PACRGL: variants seen among roughly 807,000 people sequenced by gnomAD.
The protein encoded by PACRGL is parkin coregulated like, also known as PACRG-like protein.
In PACRGL, 38 loss-of-function variants were observed where a neutral mutation model predicts 34.5. The ratio of observed to expected loss-of-function variants is 1.10; its 90% CI spans 0.85 to 1.44. PACRGL has a LOEUF of 1.44. Ranked by LOEUF, PACRGL falls within the 40% of genes most tolerant of loss-of-function variation. The pLI is 0.00. For synonymous variants in PACRGL, 128 were observed against 100.1 expected (o/e 1.28, Z -1.66); for missense variants, 305 against 281.4 (o/e 1.08, Z -0.60).
At chr4:20,736,677 T>C (rs1026177524), downstream of PACRGL, among the ~76,000 whole-genome samples, 3 of 152,232 alleles carry the variant, frequency 2.0e-5, no homozygotes, top group African/African-American at 7.2e-5. Flanking sequence ...TGAGAATATT[T>C]CAATTCGCTT....
the PACRGL span, among the ~76,000 whole-genome samples, chr4:20,759,162 A>G: frequency 5.9e-5 from 9 of 152,272 alleles, no homozygotes; most frequent in African/African-American, 2.2e-4. Context: ...TTAAGAACAC[A>G]TATGTTTATT....
At chr4:20,739,454 G>A (rs1185509377) in intron 8 of PACRGL, among the ~76,000 whole-genome samples, 1 of 152,194 alleles carries the variant, frequency 6.6e-6, no homozygotes, top group Non-Finnish European at 1.5e-5. Flanking sequence ...GGCAAACAGG[G>A]TCTGGAGTGG....
At chr4:20,761,254 A>G in the PACRGL span, among the ~76,000 whole-genome samples, 2 of 152,178 alleles carry the variant, frequency 1.3e-5, no homozygotes, top group Non-Finnish European at 1.5e-5. Context: ...CAAGCTGGCC[A>G]AGGCTCCACA....
Position 20,730,030 on chromosome 4 carries a change from G to C in PACRGL, c.*2689G>C, listed in dbSNP as rs905611878. The C allele has an allele frequency of 3.8e-6, 6 of 1,559,452 alleles. No homozygotes were observed. The Admixed American group carries it at 9.9e-5, about 26-fold the overall frequency. On this transcript the variant is annotated 3_prime_UTR_variant, in exon 9 of 9. Transcript: ENST00000503585. ...TAAAAGTGGTAGCTCCAACTTTAAG[G>C]GTGGTAGAATAGTTCACATTTGTCT...
At chr4:20,721,882 G>T (rs1166826088) in intron 7 of PACRGL, among the ~76,000 whole-genome samples, 2 of 152,216 alleles carry the variant, frequency 1.3e-5, no homozygotes, top group African/African-American at 2.4e-5. Context: ...GTCTGCAGAG[G>T]TTTCTGCTGC....
the PACRGL span, among the ~76,000 whole-genome samples, chr4:20,765,004 T>G: frequency 3.9e-5 from 6 of 152,176 alleles, no homozygotes; most frequent in African/African-American, 1.4e-4. Context: ...GACAATGAGC[T>G]TGGAGAGATG....
At chr4:20,717,765 T>C (rs187689200) in intron 7 of PACRGL, among the ~76,000 whole-genome samples, 3,370 of 152,234 alleles carry the variant, frequency 0.022, 59 homozygotes, top group Middle Eastern at 0.058. Flanking sequence ...AGTCAGGTAG[T>C]GTGATGCCTC....
chr4:20,756,171 G>GGA (rs1754412462), downstream of PACRGL, among the ~76,000 whole-genome samples: 1 of 135,632 alleles, frequency 7.4e-6, no homozygotes, highest in African/African-American at 2.9e-5. Flanking sequence ...GTGGAAAGTA[G>GGA]TAAAAAAAAA....
chr4:20,760,631 T>A, the PACRGL span, among the ~76,000 whole-genome samples: 1 of 152,124 alleles, frequency 6.6e-6, no homozygotes, highest in Non-Finnish European at 1.5e-5. Context: ...TGAGCTTAGG[T>A]AGGCAAAATA....
At chr4:20,722,319 T>C (rs901070551) in intron 7 of PACRGL, among the ~76,000 whole-genome samples, 1 of 152,218 alleles carries the variant, frequency 6.6e-6, no homozygotes, top group African/African-American at 2.4e-5. Flanking sequence ...CTTGGTGCGC[T>C]ATACCCGCTG....
At chr4:20,716,071 T>C (rs770443383) in intron 7 of PACRGL, 23 of 1,501,988 alleles carry the variant, frequency 1.5e-5, no homozygotes, top group African/African-American at 4.2e-5. Context: ...TTTCCTGATA[T>C]GTATAACTTT....
chr4:20,751,534 G>C (rs1420176029), intron 8 of PACRGL, among the ~76,000 whole-genome samples: 1 of 147,546 alleles, frequency 6.8e-6, no homozygotes, highest in South Asian at 2.3e-4. Flanking sequence ...GATTTTCAGA[G>C]GAGGAAAAAA....
downstream of PACRGL, among the ~76,000 whole-genome samples, chr4:20,757,598 C>A (rs539138099): frequency 1.8e-4 from 28 of 152,256 alleles, no homozygotes; most frequent in African/African-American, 6.5e-4. Context: ...ATGCTCTGAC[C>A]CTTTGTTTAC....
downstream of PACRGL, chr4:20,732,826 A>T (rs371853628): frequency 1.8e-5 from 21 of 1,197,368 alleles, no homozygotes; most frequent in Non-Finnish European, 2.5e-5. Context: ...GCACACATGT[A>T]TGAAGAAACC....
chr4:20,740,007 A>C (rs1391582712), intron 8 of PACRGL, among the ~76,000 whole-genome samples: 1 of 152,216 alleles, frequency 6.6e-6, no homozygotes, highest in Non-Finnish European at 1.5e-5. Context: ...ATTGAAGATC[A>C]AGTGAATGAA....
the PACRGL span, among the ~76,000 whole-genome samples, chr4:20,765,991 A>G: frequency 2.6e-5 from 4 of 152,220 alleles, no homozygotes; most frequent in East Asian, 7.7e-4. Context: ...TGTAATAATC[A>G]GCATAAAGTA....
In PACRGL at chr4:20,729,245, AT is replaced by A. The variant is rs1167585230; in HGVS notation, c.*1905del. ...CATTACTATATACTGGAGGATAGAT[AT>A]CCTGACCCTTTGCATATGTCTGTAA... On this transcript the variant is annotated 3_prime_UTR_variant, in exon 9 of 9. Transcript: ENST00000503585. 2.0e-5 allele frequency: 3 copies of A among 152,172 alleles called. No homozygotes were observed. Among genetic ancestry groups the A allele is most frequent in the African/African-American group, 4.9e-5 (2 of 41,234 alleles). 9.4% of individuals were successfully genotyped at this position (152,172 alleles called of 1,614,324 possible). A position where few individuals can be genotyped will look rare whatever the true frequency, so the allele number is the denominator to read the frequency against.
the PACRGL span, among the ~76,000 whole-genome samples, chr4:20,764,594 A>G: frequency 6.6e-6 from 1 of 151,942 alleles, no homozygotes; most frequent in African/African-American, 2.4e-5. Flanking sequence ...CTTTCCAGAA[A>G]CGCTGCATCC....
chr4:20,720,166 G>A (rs983037652), intron 7 of PACRGL, among the ~76,000 whole-genome samples: 4 of 151,114 alleles, frequency 2.6e-5, no homozygotes, highest in African/African-American at 7.3e-5. Context: ...CCTTTTTTTT[G>A]TTTTCCATTT....
Sources: allele counts gnomAD v4.1 joint callset (sites outside exome capture counted in the v4.1 genomes callset), GRCh38; gene constraint gnomAD v4.1.1; transcripts MANE v1.5; gene names NCBI Gene and HGNC (gene_info 2026-07-23, HGNC 2026-07-21).